Variants in NOVA1 observed in about 807,000 individuals in gnomAD.
NOVA1 encodes RNA-binding protein Nova-1.
In NOVA1, 7 loss-of-function variants were observed where a neutral mutation model predicts 38.0. The ratio of observed to expected loss-of-function variants is 0.18; its 90% CI spans 0.10 to 0.35. The LOEUF (loss-of-function observed/expected upper bound fraction) is 0.35. Ranked by LOEUF, NOVA1 falls within the 10% of genes least tolerant of loss-of-function variation. The probability of loss-of-function intolerance (pLI) is 1.00; values close to 1 mark genes in which losing one functional copy is unlikely to be tolerated. For missense variants in NOVA1, 460 were observed against 616.0 expected, an observed-to-expected ratio of 0.75 and a Z score of 2.68; for synonymous variants, 270 against 232.5, an observed-to-expected ratio of 1.16 and a Z score of -1.47.
Position 26,494,453 on chromosome 14 carries a change from G to C in NOVA1, c.281-14310C>G, listed in dbSNP as rs28474722. 2.3e-3 allele frequency among the ~76,000 whole-genome samples: 351 copies of C among 152,300 alleles called. 1 individual carries two copies. Among genetic ancestry groups the C allele is most frequent in the African/African-American group, 8.2e-3 (342 of 41,570 alleles). On this transcript the variant is annotated intron_variant, in intron 2 of 4. Transcript: ENST00000539517. ...GTTTGGAAGCAAAGGCTGAACAGAT[G>C]TATAGGTGTAGAGGCAGACATTAAA...
intron 2 of NOVA1, among the ~76,000 whole-genome samples, chr14:26,573,486 C>T (rs973770237): frequency 2.0e-5 from 3 of 151,406 alleles, no homozygotes; most frequent in Non-Finnish European, 2.9e-5. Context: ...TATTATAAAG[C>T]CAAAGAGAAA....
chr14:26,510,655 G>C (rs918442383), intron 2 of NOVA1, among the ~76,000 whole-genome samples: 15 of 152,224 alleles, frequency 9.9e-5, no homozygotes, highest in Admixed American at 8.5e-4. Flanking sequence ...GGTAGAGAAA[G>C]TGTTTCACTG....
Position 26,448,897 on chromosome 14 carries a change from C to T in NOVA1, c.586G>A (p.Ala196Thr), listed in dbSNP as rs1461998359. 3.7e-6 allele frequency: 6 copies of T among 1,614,064 alleles called. No homozygotes were observed. In the South Asian group the frequency reaches 5.5e-5, roughly 15 times the overall value. The change falls in exon 5 of 5, where the codon GCT (alanine) becomes ACT (threonine). Residue 196 changes from alanine to threonine, a missense_variant. Physicochemically the swap from Ala to Thr is moderately conservative, Grantham distance 58. Transcript: ENST00000539517. This position sits in a 1 kb window ranked among gnomAD's most constrained non-coding sequence, Gnocchi z 5.3. Reference sequence around the variant, plus strand: ...CAAGCCCCTGACTGCTCCATTACAGCCTTCACAGTAGCACCTCCCTTCCCT... The same window carrying T: ...CAAGCCCCTGACTGCTCCATTACAGTCTTCACAGTAGCACCTCCCTTCCCT... ...IIGKGGATVKAVMEQSGAWVQ... is the reference protein window; with the variant it reads ...IIGKGGATVKTVMEQSGAWVQ...
chr14:26,545,077 T>C (rs752783721), intron 2 of NOVA1, among the ~76,000 whole-genome samples: 19 of 152,112 alleles, frequency 1.2e-4, no homozygotes, highest in Middle Eastern at 3.2e-3. Context: ...CATCTACTTA[T>C]AAAATGTTCA....
chr14:26,487,762 C>G (rs1280977857), intron 2 of NOVA1, among the ~76,000 whole-genome samples: 2 of 152,008 alleles, frequency 1.3e-5, no homozygotes, highest in East Asian at 3.9e-4. Flanking sequence ...GTCTTAATAC[C>G]ATTAACATTT....
At chr14:26,528,150 A>T (rs1275173688) in intron 2 of NOVA1, among the ~76,000 whole-genome samples, 2 of 152,100 alleles carry the variant, frequency 1.3e-5, no homozygotes, top group Non-Finnish European at 2.9e-5. Flanking sequence ...TTCTCACACC[A>T]CTTCCTCACA....
At chr14:26,521,310 T>G (rs1888868351) in intron 2 of NOVA1, among the ~76,000 whole-genome samples, 1 of 152,044 alleles carries the variant, frequency 6.6e-6, no homozygotes, top group African/African-American at 2.4e-5. Context: ...TACATGAAAA[T>G]TATGCATTAT....
intron 2 of NOVA1, among the ~76,000 whole-genome samples, chr14:26,500,227 T>C (rs1289130314): frequency 6.6e-6 from 1 of 152,084 alleles, no homozygotes; most frequent in Non-Finnish European, 1.5e-5. Context: ...GCTGTTTACA[T>C]ATTCATATTC....
rs1280375114 is a variant in NOVA1, at chr14:26,597,686, G to A, written c.-250C>T. The A allele has an allele frequency of 5.5e-5, 65 of 1,177,692 alleles. No individual in the cohort carries two copies. Among genetic ancestry groups the A allele is most frequent in the Non-Finnish European group, 6.4e-5 (61 of 956,288 alleles). The allele number at this position is 1,177,692 out of a possible 1,614,324, so 73.0% of individuals were successfully genotyped here. The stretch of plus-strand genomic sequence containing the variant: ...CAGAAAGGAGACAGGGGAATGGAGG[G>A]GGTGTGAGAGACGGAGGGTGAAAGA... On this transcript the variant is annotated 5_prime_UTR_variant, in exon 1 of 5. Coordinates refer to ENST00000539517, the MANE Select transcript of NOVA1 (RefSeq NM_002515.3).
At chr14:26,509,443 ATG>A (rs1594431226) in intron 2 of NOVA1, among the ~76,000 whole-genome samples, 2 of 152,192 alleles carry the variant, frequency 1.3e-5, no homozygotes, top group East Asian at 3.9e-4. Flanking sequence ...GCAATTAAGT[ATG>A]AGAAGCAATG....
intron 4 of NOVA1, among the ~76,000 whole-genome samples, chr14:26,464,919 T>G (rs1019045863): frequency 6.6e-6 from 1 of 152,158 alleles, no homozygotes; most frequent in Non-Finnish European, 1.5e-5. Flanking sequence ...CTAAGAATGT[T>G]TGCAATTTTG....
At chr14:26,512,052 T>A (rs998395461) in intron 2 of NOVA1, among the ~76,000 whole-genome samples, 8 of 152,216 alleles carry the variant, frequency 5.3e-5, no homozygotes, top group Admixed American at 6.5e-5. Flanking sequence ...TCATTCCAAC[T>A]ATGATTCCAC....
intron 4 of NOVA1, among the ~76,000 whole-genome samples, chr14:26,467,924 TCTTTGA>T (rs1428013022): frequency 6.6e-6 from 1 of 152,088 alleles, no homozygotes; most frequent in Non-Finnish European, 1.5e-5. Flanking sequence ...TAGGGACAAT[TCTTTGA>T]AAACTTCCAT....
intron 2 of NOVA1, among the ~76,000 whole-genome samples, chr14:26,562,732 G>A (rs142144687): frequency 1.2e-4 from 19 of 152,246 alleles, no homozygotes; most frequent in African/African-American, 4.3e-4. Flanking sequence ...GCTGAATACT[G>A]AGGGAACTCT....
At chr14:26,502,491 T>C (rs1887310277) in intron 2 of NOVA1, among the ~76,000 whole-genome samples, 1 of 151,878 alleles carries the variant, frequency 6.6e-6, no homozygotes, top group Non-Finnish European at 1.5e-5. Flanking sequence ...TTTCGTTAAC[T>C]TGCTAAGACT....
At chr14:26,531,738 C>G (rs1227169108) in intron 2 of NOVA1, among the ~76,000 whole-genome samples, 1 of 152,132 alleles carries the variant, frequency 6.6e-6, no homozygotes, top group African/African-American at 2.4e-5. Context: ...TTAAAAATTT[C>G]TGCTCCTGGA....
At chr14:26,520,190 A>T (rs1350302489) in intron 2 of NOVA1, among the ~76,000 whole-genome samples, 2 of 152,226 alleles carry the variant, frequency 1.3e-5, no homozygotes, top group East Asian at 3.9e-4. Flanking sequence ...TTTCAATAAC[A>T]TATTTAAACT....
intron 2 of NOVA1, among the ~76,000 whole-genome samples, chr14:26,537,289 A>G (rs1400649728): frequency 2.0e-5 from 3 of 151,976 alleles, no homozygotes; most frequent in Non-Finnish European, 4.4e-5. Context: ...AAAATTATAT[A>G]TAATTTCTAT....
At chr14:26,529,149 T>C (rs899382525) in intron 2 of NOVA1, among the ~76,000 whole-genome samples, 2 of 152,046 alleles carry the variant, frequency 1.3e-5, no homozygotes, top group Admixed American at 1.3e-4. Flanking sequence ...TTCCTTTTTT[T>C]TCTTTTTAGA....
Sources: gnomAD v4.1 joint callset for allele counts (sites outside exome capture counted in the v4.1 genomes callset) on GRCh38, gnomAD v4.1.1 for gene constraint, Gnocchi (gnomAD v3.1) non-coding constraint, MANE v1.5 for transcripts, NCBI Gene and HGNC (gene_info 2026-07-23, HGNC 2026-07-21) for gene names.